The following GPC5 variants were observed in gnomAD, a reference collection of about 807,000 sequenced individuals.
GPC5 encodes glypican-5.
A neutral mutation model predicts 53.9 loss-of-function variants in GPC5; 47 were observed. The ratio of observed to expected loss-of-function variants is 0.87; its 90% CI spans 0.69 to 1.11. The LOEUF is 1.11. Among genes scored for constraint, GPC5 ranks in the 50% most tolerant of loss-of-function variants. The pLI, the probability that GPC5 is intolerant of heterozygous loss-of-function variation, is 0.00. For missense variants in GPC5, 748 were observed against 713.1 expected (o/e 1.05, Z -0.56); for synonymous variants, 286 against 263.3 (o/e 1.09, Z -0.84).
intron 7 of GPC5, among the ~76,000 whole-genome samples, chr13:92,436,295 T>G (rs865860744): frequency 0.021 from 3,142 of 152,274 alleles, 112 homozygotes; most frequent in African/African-American, 0.071. Context: ...AATGTATGTT[T>G]TATGTGTGTA....
intron 7 of GPC5, among the ~76,000 whole-genome samples, chr13:92,291,756 C>T (rs1299359169): frequency 6.6e-6 from 1 of 152,194 alleles, no homozygotes; most frequent in Non-Finnish European, 1.5e-5. Context: ...AACACTCACC[C>T]TGAAGGTCTG....
chr13:92,783,092 A>G (rs998419493), intron 7 of GPC5, among the ~76,000 whole-genome samples: 1 of 152,166 alleles, frequency 6.6e-6, no homozygotes, highest in Non-Finnish European at 1.5e-5. Context: ...TGTTTATACA[A>G]TCTCAAAGAG....
chr13:92,018,814 A>G (rs1201524863), intron 6 of GPC5, among the ~76,000 whole-genome samples: 3 of 152,118 alleles, frequency 2.0e-5, no homozygotes, highest in East Asian at 1.9e-4. Context: ...AATAAATATA[A>G]AAGTACATTT....
At chr13:92,608,609 A>G (rs75941682) in intron 7 of GPC5, among the ~76,000 whole-genome samples, 3,718 of 152,294 alleles carry the variant, frequency 0.024, 150 homozygotes, top group African/African-American at 0.085. Flanking sequence ...AGTATCCAAT[A>G]TAAAGAAAGA....
chr13:91,490,794 G>T (rs957405081), intron 2 of GPC5, among the ~76,000 whole-genome samples: 6 of 152,126 alleles, frequency 3.9e-5, no homozygotes, highest in African/African-American at 1.2e-4. Flanking sequence ...TTTCTTCTTT[G>T]CTGCTTCTTC....
At chr13:92,815,689 GGACTCCT>G (rs1232346291) in intron 7 of GPC5, among the ~76,000 whole-genome samples, 1 of 151,702 alleles carries the variant, frequency 6.6e-6, no homozygotes, top group Non-Finnish European at 1.5e-5. Context: ...GTGGTGGCCA[GGACTCCT>G]GTGGCTGTAC....
At chr13:92,754,508 T>C (rs1415841142) in intron 7 of GPC5, among the ~76,000 whole-genome samples, 1 of 151,676 alleles carries the variant, frequency 6.6e-6, no homozygotes, top group Non-Finnish European at 1.5e-5. Flanking sequence ...ATGGACTAAA[T>C]GCTCCAATTA....
chr13:92,088,045 C>G (rs2041349705), intron 6 of GPC5, among the ~76,000 whole-genome samples: 1 of 151,984 alleles, frequency 6.6e-6, no homozygotes, highest in Admixed American at 6.6e-5. Context: ...CCTGGGATTA[C>G]AGGTGTGAGC....
At chr13:92,287,005 C>T (rs1169723840) in intron 7 of GPC5, among the ~76,000 whole-genome samples, 2 of 152,124 alleles carry the variant, frequency 1.3e-5, no homozygotes, top group Non-Finnish European at 2.9e-5. Flanking sequence ...AGAAACCAAC[C>T]ATGTTGTCAC....
intron 7 of GPC5, among the ~76,000 whole-genome samples, chr13:92,175,379 A>G (rs911195276): frequency 3.3e-5 from 5 of 152,226 alleles, no homozygotes; most frequent in African/African-American, 1.2e-4. Context: ...TTGGAATTCA[A>G]TAAGTGTTTG....
chr13:92,144,417 T>C (rs2041851698), intron 6 of GPC5, among the ~76,000 whole-genome samples: 1 of 152,204 alleles, frequency 6.6e-6, no homozygotes, highest in South Asian at 2.1e-4. Context: ...GTCGTACTTC[T>C]TCAGAAATAC....
chr13:92,731,373 T>C (rs1056152840), intron 7 of GPC5, among the ~76,000 whole-genome samples: 14 of 151,498 alleles, frequency 9.2e-5, no homozygotes, highest in Admixed American at 7.9e-4. Flanking sequence ...AAGTTAATTA[T>C]GAAACAAAAA....
intron 6 of GPC5, among the ~76,000 whole-genome samples, chr13:91,908,869 G>A (rs2039581814): frequency 2.6e-5 from 4 of 151,936 alleles, no homozygotes; most frequent in Admixed American, 2.0e-4. Context: ...TTTATTTCTA[G>A]TATCATGAGT....
intron 7 of GPC5, among the ~76,000 whole-genome samples, chr13:92,306,015 G>A (rs543239550): frequency 2.0e-4 from 31 of 152,290 alleles, no homozygotes; most frequent in South Asian, 6.2e-4. Context: ...GGGAAAGTAC[G>A]TGGACTGAGA....
chr13:91,961,300 A>G (rs568784940), intron 6 of GPC5, among the ~76,000 whole-genome samples: 1 of 152,136 alleles, frequency 6.6e-6, no homozygotes, highest in East Asian at 1.9e-4. Context: ...ATATATATAC[A>G]AATATTATGT....
intron 2 of GPC5, among the ~76,000 whole-genome samples, chr13:91,613,807 T>C (rs1164822903): frequency 1.3e-5 from 2 of 152,182 alleles, no homozygotes; most frequent in African/African-American, 4.8e-5. Context: ...TATCACCATA[T>C]TCATGGTTAC....
chr13:92,040,414 G>A (rs1336326242), intron 6 of GPC5, among the ~76,000 whole-genome samples: 2 of 152,358 alleles, frequency 1.3e-5, no homozygotes, highest in Admixed American at 6.5e-5. Context: ...GCTGTAGGGA[G>A]TGGCTCAAGG....
intron 7 of GPC5, among the ~76,000 whole-genome samples, chr13:92,552,024 TA>T (rs1197321330): frequency 6.6e-6 from 1 of 151,888 alleles, no homozygotes; most frequent in Non-Finnish European, 1.5e-5. Flanking sequence ...GCTAATAATG[TA>T]AAATGAGAAA....
chr13:91,523,635 A>G (rs911132362), intron 2 of GPC5, among the ~76,000 whole-genome samples: 1 of 152,226 alleles, frequency 6.6e-6, no homozygotes, highest in South Asian at 2.1e-4. Context: ...AGTAAGTTCT[A>G]GGCATCAAAT....
Sources: allele counts gnomAD v4.1 joint callset (sites outside exome capture counted in the v4.1 genomes callset), GRCh38; gene constraint gnomAD v4.1.1; transcripts MANE v1.5; gene names NCBI Gene and HGNC (gene_info 2026-07-23, HGNC 2026-07-21).